Variants in RAC1 observed in about 807,000 individuals in gnomAD.
RAC1 encodes Rac family small GTPase 1, also known as ras-related C3 botulinum toxin substrate 1.
A neutral mutation model predicts 25.2 loss-of-function variants in RAC1; 2 were observed. The ratio of observed to expected loss-of-function variants is 0.08; its 90% CI spans 0.03 to 0.25. The LOEUF is 0.25. Among genes scored for constraint, RAC1 ranks in the 10% least tolerant of loss-of-function variants. The pLI, the probability that RAC1 is intolerant of heterozygous loss-of-function variation, is 1.00. For missense variants in RAC1, 50 were observed against 235.7 expected (o/e 0.21, Z 5.16); for synonymous variants, 88 against 94.0 (o/e 0.94, Z 0.37).
At chr7:6,398,596 G>C in intron 3 of RAC1, 2 of 1,351,702 alleles carry the variant, frequency 1.5e-6, no homozygotes, top group Non-Finnish European at 2.1e-6. Flanking sequence ...ATCGATAAGA[G>C]GTTATATTGA....
Position 6,403,016 on chromosome 7 carries a change from C to G in RAC1, c.*570C>G, listed in dbSNP as rs979440387. 2 of 195,024 alleles carry G rather than the reference C, an allele frequency of 1.0e-5. No homozygotes were observed. Among genetic ancestry groups the G allele is most frequent in the African/African-American group, 4.6e-5 (2 of 43,248 alleles). 12.1% of individuals were successfully genotyped at this position (195,024 alleles called of 1,614,324 possible). Reference sequence around the variant, plus strand: ...ATGGAGTGAGCGTAGCAGCTCAGCTCTTTGGATCAGTCTTTGTGATTTCAT... The same window carrying G: ...ATGGAGTGAGCGTAGCAGCTCAGCTGTTTGGATCAGTCTTTGTGATTTCAT... On this transcript the variant is annotated 3_prime_UTR_variant, in exon 6 of 6. Transcript: ENST00000348035.
intron 1 of RAC1, among the ~76,000 whole-genome samples, chr7:6,381,566 T>C (rs976802836): frequency 1.3e-5 from 2 of 150,680 alleles, no homozygotes; most frequent in African/African-American, 4.8e-5. Flanking sequence ...CTAATTTCTT[T>C]TGTATTTTAG....
At chr7:6,384,822 A>G (rs1433922405) in intron 1 of RAC1, among the ~76,000 whole-genome samples, 1 of 152,058 alleles carries the variant, frequency 6.6e-6, no homozygotes, top group Non-Finnish European at 1.5e-5. Context: ...TATTTTTTTG[A>G]GACAGGGTCT....
chr7:6,379,359 C>G (rs1364093660), intron 1 of RAC1, among the ~76,000 whole-genome samples: 3 of 150,282 alleles, frequency 2.0e-5, no homozygotes, highest in Non-Finnish European at 4.4e-5. Context: ...ACTGCAACCT[C>G]CTCCTCCTGG....
chr7:6,382,377 C>G (rs1320138301), intron 1 of RAC1, among the ~76,000 whole-genome samples: 1 of 152,086 alleles, frequency 6.6e-6, no homozygotes, highest in Non-Finnish European at 1.5e-5. Context: ...GCTTTTCTGT[C>G]CTGAGATCAA....
chr7:6,382,242 G>A lies in RAC1; in HGVS notation c.36-4970G>A, dbSNP rs537502463. 7.2e-5 allele frequency among the ~76,000 whole-genome samples: 11 copies of A among 152,170 alleles called. No individual in the cohort carries two copies. In the South Asian group the frequency reaches 8.3e-4, roughly 11 times the overall value. ...ACTCCTGGCCTGAAGTGATCCACCCGCCTTGGCCTCTTGCTGGGATTACAG... is the reference window on the plus strand; with the variant it reads ...ACTCCTGGCCTGAAGTGATCCACCCACCTTGGCCTCTTGCTGGGATTACAG... On this transcript the variant is annotated intron_variant, in intron 1 of 5. Transcript: ENST00000348035.
chr7:6,376,340 G>A (rs1356197154), intron 1 of RAC1, among the ~76,000 whole-genome samples: 2 of 151,598 alleles, frequency 1.3e-5, no homozygotes, highest in East Asian at 3.9e-4. Flanking sequence ...GCGCCACCGT[G>A]TCCGGCTAAT....
At chr7:6,391,515 A>G in intron 2 of RAC1, 1 of 207,994 alleles carries the variant, frequency 4.8e-6, no homozygotes, top group Non-Finnish European at 9.8e-6. Flanking sequence ...TGCAGAGGGT[A>G]GCTCTAGTGG....
intron 1 of RAC1, among the ~76,000 whole-genome samples, chr7:6,382,945 T>G (rs149330417): frequency 6.6e-6 from 1 of 152,342 alleles, no homozygotes; most frequent in East Asian, 1.9e-4. Context: ...TGGTTATTTC[T>G]ACAGGACAGG....
chr7:6,381,283 G>C lies in RAC1; in HGVS notation c.36-5929G>C, dbSNP rs1045195202. On this transcript the variant is annotated intron_variant, in intron 1 of 5. Transcript: ENST00000348035. The stretch of plus-strand genomic sequence containing the variant: ...ACCAGGGTTAGCCTTGATTCTGGAA[G>C]GGTGGATTCAGACTTCAGCTCAGTT... Among the ~76,000 whole-genome samples, 4 of 152,210 alleles carry C rather than the reference G, an allele frequency of 2.6e-5. No individual in the cohort carries two copies. In the South Asian group the frequency reaches 8.3e-4, roughly 32 times the overall value.
At chr7:6,381,935 G>A (rs1782777180) in intron 1 of RAC1, among the ~76,000 whole-genome samples, 1 of 152,118 alleles carries the variant, frequency 6.6e-6, no homozygotes, top group African/African-American at 2.4e-5. Context: ...TATTCAATAA[G>A]TAGGAATATA....
Position 6,401,915 on chromosome 7 carries a change from A to G in RAC1, c.336A>G (p.Leu112=). Residue 112 remains leucine (L), a synonymous_variant, in exon 5 of 6, where the codon CTA becomes CTG. Transcript: ENST00000348035. ...ACTGTCCCAACACTCCCATCATCCT[A>G]GTGGGAACTAAACTTGATCTTAGGG... is the stretch of plus-strand genomic sequence containing the variant. The part of the protein sequence containing the change: ...RHHCPNTPII[L]VGTKLDLRDD... 4 of 1,613,968 alleles carry G rather than the reference A, an allele frequency of 2.5e-6. No individual in the cohort carries two copies. Among genetic ancestry groups the G allele is most frequent in the South Asian group, 2.2e-5 (2 of 91,072 alleles).
rs570907419 is a variant in RAC1 at position 6,403,819 on chromosome 7, C to T, written c.*1373C>T. On this transcript the variant is annotated 3_prime_UTR_variant, in exon 6 of 6. Transcript: ENST00000348035. ...TGTTCTGTACAACTTAACTCACTGG[C>T]GAGAATACAGCGTGGGACCCTTCAG... is the stretch of plus-strand genomic sequence containing the variant. 311 of 218,582 alleles carry T rather than the reference C, an allele frequency of 1.4e-3. 1 individual carries two copies. The highest frequency in any genetic ancestry group is 2.5e-3 in the Non-Finnish European group (274 of 108,590). 13.5% of individuals were successfully genotyped at this position (218,582 alleles called of 1,614,324 possible). A position where few individuals can be genotyped will look rare whatever the true frequency, so the allele number is the denominator to read the frequency against.
At chr7:6,387,574 AAT>A (rs1782957729) in intron 2 of RAC1, among the ~76,000 whole-genome samples, 1 of 151,992 alleles carries the variant, frequency 6.6e-6, no homozygotes, top group Non-Finnish European at 1.5e-5. Flanking sequence ...AAATACAAAA[AAT>A]TAGCCAGGTG....
chr7:6,394,127 C>T (rs1783161829), intron 3 of RAC1, among the ~76,000 whole-genome samples: 1 of 152,128 alleles, frequency 6.6e-6, no homozygotes, highest in Admixed American at 6.6e-5. Flanking sequence ...CCTGAAGGAC[C>T]AGTTGGAAGA....
intron 1 of RAC1, among the ~76,000 whole-genome samples, chr7:6,385,388 GAAAA>G (rs200090416): frequency 2.0e-5 from 3 of 150,510 alleles, no homozygotes; most frequent in Non-Finnish European, 1.5e-5. Context: ...TTTTGCAGGT[GAAAA>G]AAAAAGGCAT....
chr7:6,388,069 G>A (rs938279437), intron 2 of RAC1, among the ~76,000 whole-genome samples: 1 of 152,128 alleles, frequency 6.6e-6, no homozygotes, highest in Non-Finnish European at 1.5e-5. Context: ...GTTGAAGGGG[G>A]AATGGGAGGG....
At chr7:6,393,852 A>G (rs562241479) in intron 3 of RAC1, among the ~76,000 whole-genome samples, 1 of 152,202 alleles carries the variant, frequency 6.6e-6, no homozygotes, top group African/African-American at 2.4e-5. Context: ...TCCTGTCTGG[A>G]CTCCTTCAGA....
chr7:6,377,327 G>A (rs1251808806), intron 1 of RAC1, among the ~76,000 whole-genome samples: 2 of 152,114 alleles, frequency 1.3e-5, no homozygotes, highest in Non-Finnish European at 2.9e-5. Flanking sequence ...AGGTCAGGTG[G>A]CTCACACCTG....
Sources: gnomAD v4.1 joint callset for allele counts (sites outside exome capture counted in the v4.1 genomes callset) on GRCh38, gnomAD v4.1.1 for gene constraint, MANE v1.5 for transcripts, NCBI Gene and HGNC (gene_info 2026-07-23, HGNC 2026-07-21) for gene names.